TBX15: variants seen among roughly 807,000 people sequenced by gnomAD.
TBX15 encodes T-box transcription factor TBX15.
A neutral mutation model predicts 53.9 loss-of-function variants in TBX15; 18 were observed. The ratio of observed to expected loss-of-function variants is 0.33; its 90% CI spans 0.23 to 0.49. The LOEUF is 0.49. TBX15 is among the 20% of genes least tolerant of loss of function. The probability of loss-of-function intolerance (pLI) is 0.98; values close to 1 mark genes in which losing one functional copy is unlikely to be tolerated. For missense variants in TBX15, 692 were observed against 749.5 expected (o/e 0.92, Z 0.90); for synonymous variants, 295 against 278.0 (o/e 1.06, Z -0.61).
chr1:118,988,167 CT>C lies in TBX15; in HGVS notation c.-373del, dbSNP rs1180046188. 5 of 224,360 alleles carry C rather than the reference CT, an allele frequency of 2.2e-5. No individual in the cohort carries two copies. The South Asian group carries it at 3.1e-4, about 14-fold the overall frequency. The allele number at this position is 224,360 out of a possible 1,614,324, so 13.9% of individuals were successfully genotyped here. A position where few individuals can be genotyped will look rare whatever the true frequency, so the allele number is the denominator to read the frequency against. ...CTCTCTCCTCTCTCTCTCTCTCTCT[CT>C]CTCCCCTCCCTCTCTTTTTCTCTCC... On this transcript the variant is annotated 5_prime_UTR_variant, in exon 1 of 8. Transcript: ENST00000369429.
At chr1:118,909,731 C>T (rs746081641) in intron 6 of TBX15, among the ~76,000 whole-genome samples, 4 of 152,122 alleles carry the variant, frequency 2.6e-5, no homozygotes, top group East Asian at 3.9e-4. Flanking sequence ...TACAGGCACG[C>T]GCCACCATGC....
chr1:118,940,015 T>C (rs1473816678), intron 1 of TBX15, among the ~76,000 whole-genome samples: 1 of 151,918 alleles, frequency 6.6e-6, no homozygotes, highest in Non-Finnish European at 1.5e-5. Context: ...TGAATTGAAT[T>C]AGTCTGACAC....
intron 1 of TBX15, among the ~76,000 whole-genome samples, chr1:118,949,401 C>T (rs987628034): frequency 2.6e-5 from 4 of 152,230 alleles, no homozygotes; most frequent in African/African-American, 9.6e-5. Flanking sequence ...AGCAAACTTC[C>T]TCTGCTCTGA....
At chr1:118,892,399 A>G (rs1654176271) in intron 7 of TBX15, among the ~76,000 whole-genome samples, 1 of 152,198 alleles carries the variant, frequency 6.6e-6, no homozygotes, top group Non-Finnish European at 1.5e-5. Context: ...AGTTCAGTAG[A>G]AAGAAATGCA....
At chr1:118,890,821 C>CA (rs1423327360) in intron 7 of TBX15, 1 of 1,224,806 alleles carries the variant, frequency 8.2e-7, no homozygotes, top group Non-Finnish European at 1.1e-6. Context: ...AACAGTAAGG[C>CA]AAAACCCCAT....
intron 2 of TBX15, among the ~76,000 whole-genome samples, chr1:118,927,957 G>A (rs1655652961): frequency 6.6e-6 from 1 of 152,202 alleles, no homozygotes; most frequent in African/African-American, 2.4e-5. Flanking sequence ...TAGTTGAGCT[G>A]GGCAGAGCAC....
At chr1:118,902,303 A>G (rs964146044) in intron 6 of TBX15, among the ~76,000 whole-genome samples, 1 of 152,126 alleles carries the variant, frequency 6.6e-6, no homozygotes, top group African/African-American at 2.4e-5. Context: ...AGTTCTATAT[A>G]TCAATATTTG....
chr1:118,896,846 C>T (rs1259310643), intron 7 of TBX15, among the ~76,000 whole-genome samples: 2 of 152,102 alleles, frequency 1.3e-5, no homozygotes, highest in South Asian at 2.1e-4. Context: ...CCTTTGTTAA[C>T]GTCAAGAAAC....
intron 7 of TBX15, among the ~76,000 whole-genome samples, chr1:118,898,606 C>G (rs1438495890): frequency 2.0e-5 from 3 of 152,050 alleles, no homozygotes; most frequent in Non-Finnish European, 4.4e-5. Flanking sequence ...AGACCTGATA[C>G]AATTTATTCC....
intron 7 of TBX15, among the ~76,000 whole-genome samples, chr1:118,893,494 GAAA>G (rs1654269225): frequency 9.7e-6 from 1 of 103,390 alleles, no homozygotes; most frequent in African/African-American, 6.3e-5. Flanking sequence ...AGGAAAGAAA[GAAA>G]GAAAGAAAGA....
intron 6 of TBX15, among the ~76,000 whole-genome samples, chr1:118,899,707 A>C (rs1257102639): frequency 6.6e-6 from 1 of 152,210 alleles, no homozygotes; most frequent in Non-Finnish European, 1.5e-5. Flanking sequence ...CACCTACCTG[A>C]AGATAAAGAA....
chr1:118,936,750 C>T (rs1476518353), intron 1 of TBX15, among the ~76,000 whole-genome samples: 1 of 152,108 alleles, frequency 6.6e-6, no homozygotes, highest in Non-Finnish European at 1.5e-5. Flanking sequence ...ACAGGCAAGC[C>T]TAAGAGTTGT....
At chr1:118,922,472 G>A (rs527346625) in intron 5 of TBX15, among the ~76,000 whole-genome samples, 2 of 152,266 alleles carry the variant, frequency 1.3e-5, no homozygotes, top group South Asian at 2.1e-4. Context: ...ATTTATACAC[G>A]TTTCCTTATT....
intron 1 of TBX15, among the ~76,000 whole-genome samples, chr1:118,976,302 G>C (rs1056685188): frequency 6.6e-6 from 1 of 151,982 alleles, no homozygotes; most frequent in African/African-American, 2.4e-5. Context: ...TTTTATTCTT[G>C]TTGTTGTTGT....
chr1:118,936,531 G>T (rs937526791), intron 1 of TBX15, among the ~76,000 whole-genome samples: 2 of 151,874 alleles, frequency 1.3e-5, no homozygotes, highest in Non-Finnish European at 2.9e-5. Context: ...GGGGGTGGGG[G>T]TATAAGATAT....
intron 6 of TBX15, among the ~76,000 whole-genome samples, chr1:118,904,696 A>G (rs1654752885): frequency 6.6e-6 from 1 of 152,222 alleles, no homozygotes; most frequent in Non-Finnish European, 1.5e-5. Flanking sequence ...TTGACTCAAT[A>G]AGTGTAGTAA....
At chr1:118,968,021 TCA>T (rs1657110632) in intron 1 of TBX15, among the ~76,000 whole-genome samples, 1 of 152,222 alleles carries the variant, frequency 6.6e-6, no homozygotes, top group African/African-American at 2.4e-5. Flanking sequence ...ATGAATATTC[TCA>T]GTTATGACAT....
intron 1 of TBX15, among the ~76,000 whole-genome samples, chr1:118,960,779 T>C (rs1656846231): frequency 6.6e-6 from 1 of 152,156 alleles, no homozygotes; most frequent in South Asian, 2.1e-4. Flanking sequence ...TCTGACTCAA[T>C]CATCCCCAGT....
At chr1:118,899,847 T>C (rs1654562378) in intron 6 of TBX15, among the ~76,000 whole-genome samples, 1 of 152,222 alleles carries the variant, frequency 6.6e-6, no homozygotes, top group Non-Finnish European at 1.5e-5. Flanking sequence ...GTTCAGGAAG[T>C]ATCCAACATT....
Sources: gnomAD v4.1 joint callset for allele counts (sites outside exome capture counted in the v4.1 genomes callset) on GRCh38, gnomAD v4.1.1 for gene constraint, MANE v1.5 for transcripts, NCBI Gene and HGNC (gene_info 2026-07-23, HGNC 2026-07-21) for gene names.